XRN1: variants seen among roughly 807,000 people sequenced by gnomAD.
The protein encoded by XRN1 is strand-exchange protein 1 homolog.
In XRN1, 67 loss-of-function variants were observed where a neutral mutation model predicts 222.3. That is an observed-to-expected ratio of 0.30 (90% CI 0.25 to 0.37). The LOEUF (loss-of-function observed/expected upper bound fraction) is 0.37, where lower values mean the gene tolerates loss of function less well. Ranked by LOEUF, XRN1 falls within the 10% of genes least tolerant of loss-of-function variation. The pLI, the probability that XRN1 is intolerant of heterozygous loss-of-function variation, is 1.00. For missense variants in XRN1, 1,707 were observed against 2,000.2 expected, an observed-to-expected ratio of 0.85 and a Z score of 2.80; for synonymous variants, 643 against 652.4, an observed-to-expected ratio of 0.99 and a Z score of 0.22.
rs2068820022 is a variant in XRN1 at position 142,417,174 on chromosome 3, G to A, written c.1402C>T (p.His468Tyr). 6.2e-7 allele frequency: 1 copy of A among 1,613,482 alleles called. No individual in the cohort carries two copies. Reference sequence around the variant, plus strand: ...GACTGAACTCCATGATAGTAATAGTGCAAAATCCACTGTATTGCCTGAACA... The same window carrying A: ...GACTGAACTCCATGATAGTAATAGTACAAAATCCACTGTATTGCCTGAACA... ...CYVQAIQWIL[H>Y]YYYHGVQSWS... The change falls in exon 13 of 41, where the codon CAC becomes TAC. Residue 468 changes from histidine to tyrosine, a missense_variant. By Grantham distance (83) the His-to-Tyr change is moderately conservative (BLOSUM62 2). Around this residue, in one of 2 missense-constraint regions of XRN1, gnomAD observed 1,234 missense variants for 1,518.2 expected, o/e 0.81. Transcript: ENST00000392981.
rs1039797379 is a variant in XRN1, at chr3:142,424,674, C to T, written c.627+548G>A. On this transcript the variant is annotated intron_variant, in intron 5 of 40. Transcript: ENST00000392981. The stretch of plus-strand genomic sequence containing the variant: ...TTAGAGAAACATTATGAAACATATA[C>T]AAATTAATGATAAAATGTTTAGGAT... 3.3e-5 allele frequency among the ~76,000 whole-genome samples: 5 copies of T among 151,862 alleles called. No individual in the cohort carries two copies. The South Asian group carries it at 1.0e-3, about 31-fold the overall frequency.
At chr3:142,421,618 C>T (rs1319484997) in intron 8 of XRN1, 75 bp from the exon 9 acceptor site, 22 of 1,115,180 alleles carry the variant, frequency 2.0e-5, no homozygotes, top group Admixed American at 4.7e-5. Flanking sequence ...ACTCTTTCTA[C>T]AAAATGTTGA....
At chr3:142,383,045 T>TA (rs34211436) in intron 22 of XRN1, among the ~76,000 whole-genome samples, 25 of 151,504 alleles carry the variant, frequency 1.7e-4, no homozygotes, top group East Asian at 1.2e-3. Context: ...ACAAAACTGC[T>TA]AAAAAAAAAG....
intron 2 of XRN1, among the ~76,000 whole-genome samples, chr3:142,427,918 CTCT>C (rs1455870566): frequency 6.6e-6 from 1 of 152,224 alleles, no homozygotes; most frequent in African/African-American, 2.4e-5. Context: ...GATGAACAAA[CTCT>C]TCTTCAAGTT....
At chr3:142,402,403 G>A (rs1559852287) in intron 18 of XRN1, among the ~76,000 whole-genome samples, 1 of 151,970 alleles carries the variant, frequency 6.6e-6, no homozygotes, top group Non-Finnish European at 1.5e-5. Flanking sequence ...GACTTGTCTT[G>A]AACTCCTGAC....
Position 142,397,460 on chromosome 3 carries a change from C to A in XRN1, c.2208G>T (p.Lys736Asn), listed in dbSNP as rs780081053. The A allele has an allele frequency of 5.0e-6, 8 of 1,584,470 alleles. No individual in the cohort carries two copies. The highest frequency in any genetic ancestry group is 6.9e-6 in the Non-Finnish European group (8 of 1,167,530). The part of the protein sequence containing the change: ...RVVAVSDGET[K>N]FYLEEPPGTQ... ...TTCCTGGAGGTTCTTCCAAGTAAAA[C>A]CTTAAGAGTTAAAATAAAAATTATA... Residue 736 changes from lysine (K) to asparagine (N), a missense_variant and splice_region_variant, in exon 20 of 41, where the codon AAG becomes AAT. Coordinates refer to ENST00000392981, the MANE Select transcript of XRN1 (RefSeq NM_001282857.2).
chr3:142,426,838 T>C lies in XRN1; in HGVS notation c.312A>G (p.Ser104=). Residue 104 remains serine (S), a synonymous_variant, in exon 3 of 41, where the codon TCA becomes TCG. Transcript: ENST00000392981. The stretch of plus-strand genomic sequence containing the variant: ...TAATTTTGTCTTCTGCCTCCTTTGC[T>C]GACCTTAAAGGTTAAGGGAAAAAAG... ...MNQQRGRRFR[S]AKEAEDKIKK... is the part of the protein sequence containing the mutation. The C allele has an allele frequency of 6.2e-7, 1 of 1,613,138 alleles. No homozygotes were observed. The highest frequency in any genetic ancestry group is 8.5e-7 in the Non-Finnish European group (1 of 1,179,812).
At chr3:142,386,304 AATT>A (rs1357474639) in intron 20 of XRN1, among the ~76,000 whole-genome samples, 11 of 152,084 alleles carry the variant, frequency 7.2e-5, no homozygotes, top group African/African-American at 2.7e-4. Context: ...GATAAAATCC[AATT>A]ATGTATAAAA....
chr3:142,441,738 G>A (rs1031570459), intron 1 of XRN1, among the ~76,000 whole-genome samples: 3 of 152,170 alleles, frequency 2.0e-5, no homozygotes, highest in South Asian at 4.1e-4. Flanking sequence ...CCAGTGTTGC[G>A]ACTGTGCACT....
intron 27 of XRN1, 62 bp from the exon 28 acceptor site, chr3:142,365,428 C>T (rs112794019): frequency 1.2e-5 from 15 of 1,233,640 alleles, no homozygotes; most frequent in African/African-American, 9.2e-5. Context: ...TCACTACCTA[C>T]TCACTACTTC....
chr3:142,397,078 T>C (rs1301320456), intron 20 of XRN1, among the ~76,000 whole-genome samples: 1 of 152,204 alleles, frequency 6.6e-6, no homozygotes, highest in Non-Finnish European at 1.5e-5. Flanking sequence ...TTAAGTGTTA[T>C]TCCTAGTATT....
In XRN1 at chr3:142,404,950, G is replaced by A; in HGVS notation, c.1840C>T (p.Pro614Ser). 6.2e-7 allele frequency: 1 copy of A among 1,614,010 alleles called. No individual in the cohort carries two copies. The highest frequency in any genetic ancestry group is 1.1e-5 in the South Asian group (1 of 91,058). The change falls in exon 16 of 41, where the codon CCA (proline) becomes TCA (serine). Residue 614 changes from proline to serine, a missense_variant. By Grantham distance (74) the Pro-to-Ser change is moderately conservative. Coordinates refer to ENST00000392981, the MANE Select transcript of XRN1 (RefSeq NM_001282857.2). ...DRDTEFIYPS[P>S]WPEKFPAIER... ...ATGGCAGGGAACTTTTCTGGCCATGGAGAAGGATAGATAAACTCTGTGTCT... is the reference window on the plus strand; with the variant it reads ...ATGGCAGGGAACTTTTCTGGCCATGAAGAAGGATAGATAAACTCTGTGTCT...
chr3:142,388,115 A>C (rs958329784), intron 20 of XRN1, among the ~76,000 whole-genome samples: 3 of 152,184 alleles, frequency 2.0e-5, no homozygotes, highest in Admixed American at 1.3e-4. Flanking sequence ...TGACACTTGA[A>C]AAACACAGGT....
intron 39 of XRN1, among the ~76,000 whole-genome samples, chr3:142,317,877 A>C (rs1028773485): frequency 1.3e-5 from 2 of 152,000 alleles, no homozygotes; most frequent in African/African-American, 4.8e-5. Flanking sequence ...TTACTTCTGC[A>C]GTTGTTTTTC....
chr3:142,346,380 C>T (rs374580460), intron 33 of XRN1, among the ~76,000 whole-genome samples: 15 of 151,944 alleles, frequency 9.9e-5, no homozygotes, highest in African/African-American at 2.7e-4. Flanking sequence ...ACTTATAATG[C>T]TTGATACAAT....
At chr3:142,341,583 T>C (rs886622067) in intron 33 of XRN1, among the ~76,000 whole-genome samples, 1 of 152,048 alleles carries the variant, frequency 6.6e-6, no homozygotes, top group Admixed American at 6.6e-5. Context: ...TTGTCAATAA[T>C]AACACTGAAT....
intron 2 of XRN1, among the ~76,000 whole-genome samples, chr3:142,431,863 T>C (rs1309301842): frequency 2.6e-4 from 9 of 35,166 alleles, no homozygotes; most frequent in Non-Finnish European, 3.5e-4. Flanking sequence ...ATATTATATA[T>C]AATATATTAT....
chr3:142,347,757 C>G (rs1033792919), intron 32 of XRN1, among the ~76,000 whole-genome samples: 3 of 151,674 alleles, frequency 2.0e-5, no homozygotes, highest in Non-Finnish European at 2.9e-5. Flanking sequence ...ACCATCGTGC[C>G]TGGCTAGTTT....
intron 9 of XRN1, 77 bp from the exon 10 acceptor site, chr3:142,421,230 G>A: frequency 7.5e-7 from 1 of 1,325,194 alleles, no homozygotes; most frequent in Non-Finnish European, 1.0e-6. Context: ...TTAAAACAGT[G>A]ACTACTACTG....
Sources: allele counts gnomAD v4.1 joint callset (sites outside exome capture counted in the v4.1 genomes callset), GRCh38; gene constraint gnomAD v4.1.1; regional missense constraint gnomAD v4.1.1; transcripts MANE v1.5; gene names NCBI Gene and HGNC (gene_info 2026-07-23, HGNC 2026-07-21).